CDK5RAP2: variants seen among roughly 807,000 people sequenced by gnomAD.
CDK5RAP2 encodes CDK5 regulatory subunit-associated protein 2.
CDK5RAP2 carries 147 observed loss-of-function variants against 232.9 expected under a neutral mutation model. That is an observed-to-expected ratio of 0.63 (90% CI 0.55 to 0.72). The LOEUF (loss-of-function observed/expected upper bound fraction) is 0.72. Among genes scored for constraint, CDK5RAP2 ranks in the 30% least tolerant of loss-of-function variants. CDK5RAP2 has a pLI of 0.00. For synonymous variants in CDK5RAP2, 833 were observed against 833.7 expected, an observed-to-expected ratio of 1.00 and a Z score of 0.01; for missense variants, 2,195 against 2,231.5, an observed-to-expected ratio of 0.98 and a Z score of 0.33.
intron 36 of CDK5RAP2, 113 bp downstream of exon 36, chr9:120,394,399 G>C: frequency 6.6e-7 from 1 of 1,515,528 alleles, no homozygotes; most frequent in Non-Finnish European, 9.1e-7. Flanking sequence ...CCCACAGATA[G>C]GAGGCATGAT....
chr9:120,494,453 T>A (rs188359697), intron 12 of CDK5RAP2, among the ~76,000 whole-genome samples: 203 of 152,232 alleles, frequency 1.3e-3, no homozygotes, highest in African/African-American at 4.6e-3. Context: ...GCTCAAAAAA[T>A]GAGGAGTCAT....
chr9:120,402,470 G>A (rs146194942), intron 34 of CDK5RAP2, among the ~76,000 whole-genome samples: 11 of 152,300 alleles, frequency 7.2e-5, no homozygotes, highest in Non-Finnish European at 1.0e-4. Context: ...CATAATGGGC[G>A]ACAGCCAGGT....
intron 14 of CDK5RAP2, among the ~76,000 whole-genome samples, chr9:120,482,999 A>C (rs1211497271): frequency 6.6e-6 from 1 of 152,176 alleles, no homozygotes; most frequent in African/African-American, 2.4e-5. Context: ...TCTCCTCGGC[A>C]CACAGGCAGG....
intron 18 of CDK5RAP2, among the ~76,000 whole-genome samples, chr9:120,466,569 G>T (rs1332802932): frequency 6.6e-6 from 1 of 152,020 alleles, no homozygotes; most frequent in East Asian, 1.9e-4. Context: ...AAGGGCAAAT[G>T]AACAAACAAA....
intron 12 of CDK5RAP2, among the ~76,000 whole-genome samples, chr9:120,497,632 G>A (rs1461831266): frequency 2.6e-5 from 4 of 152,058 alleles, no homozygotes; most frequent in African/African-American, 9.7e-5. Context: ...CATCAATAAT[G>A]ACAGACTGAC....
At chr9:120,503,950 C>A (rs2039692992) in intron 12 of CDK5RAP2, among the ~76,000 whole-genome samples, 1 of 152,136 alleles carries the variant, frequency 6.6e-6, no homozygotes, top group African/African-American at 2.4e-5. Context: ...GGCACGCCCT[C>A]AACACAGAGC....
intron 7 of CDK5RAP2, among the ~76,000 whole-genome samples, chr9:120,533,487 C>G (rs569971829): frequency 6.6e-6 from 1 of 152,166 alleles, no homozygotes; most frequent in South Asian, 2.1e-4. Context: ...TGCACCACCC[C>G]ACAGCTGCTC....
At chr9:120,391,496 G>C (rs1489209988) in intron 36 of CDK5RAP2, among the ~76,000 whole-genome samples, 1 of 152,224 alleles carries the variant, frequency 6.6e-6, no homozygotes, top group Non-Finnish European at 1.5e-5. Context: ...CCTGAGCTGA[G>C]CAGTGTTGAC....
chr9:120,560,056 T>C (rs1259660091), intron 3 of CDK5RAP2, among the ~76,000 whole-genome samples: 2 of 152,190 alleles, frequency 1.3e-5, no homozygotes, highest in East Asian at 3.9e-4. Context: ...CACAAGAACC[T>C]GGGCCTCCAA....
At position 120,556,532 on chromosome 9, in the gene CDK5RAP2, G is replaced by A. The variant is rs146008054; in HGVS notation, c.196-5630C>T. Among the ~76,000 whole-genome samples, 549 of 151,858 alleles carry A rather than the reference G, an allele frequency of 3.6e-3. 6 individuals carry two copies. Among genetic ancestry groups the A allele is most frequent in the African/African-American group, 0.012 (510 of 41,412 alleles). On this transcript the variant is annotated intron_variant, in intron 3 of 37. Transcript: ENST00000349780. ...CAACCTCCGCCTCCCGGGTTCAAGC[G>A]ATTCTCCTGCCTCAGTCTCCCAAGT...
At chr9:120,477,792 T>C (rs998096617) in intron 14 of CDK5RAP2, among the ~76,000 whole-genome samples, 4 of 152,176 alleles carry the variant, frequency 2.6e-5, no homozygotes, top group Non-Finnish European at 5.9e-5. Flanking sequence ...ACAAAAAAAA[T>C]ATCTTTCCAT....
chr9:120,411,606 G>A (rs57324140), intron 28 of CDK5RAP2, 132 bp from the exon 29 acceptor site: 3 of 656,794 alleles, frequency 4.6e-6, no homozygotes, highest in Non-Finnish European at 8.2e-6. Context: ...AACTATGTTA[G>A]GAATTACCAG....
At position 120,400,774 on chromosome 9, in the gene CDK5RAP2, C is replaced by T. The variant is rs2032935655; in HGVS notation, c.5419G>A (p.Glu1807Lys). The change falls in exon 35 of 38, where the codon GAG (glutamate) becomes AAG (lysine). Residue 1807 changes from glutamate (E) to lysine (K), a missense_variant. Glu to Lys is a moderately conservative substitution (Grantham distance 56). Transcript: ENST00000349780. ...LKLLWRVSLP[E>K]DGQCPLHCEQ... is the part of the protein sequence containing the mutation. The stretch of plus-strand genomic sequence containing the variant: ...CAGTGAAGGGGGCACTGGCCATCCT[C>T]GGGGAGTGAGACTCTCCAGAGAAGC... 4 of 1,613,988 alleles carry T rather than the reference C, an allele frequency of 2.5e-6. No homozygotes were observed. Among genetic ancestry groups the T allele is most frequent in the South Asian group, 1.1e-5 (1 of 91,068 alleles).
In CDK5RAP2 at chr9:120,403,977, TAA is replaced by T; in HGVS notation, c.5041+57_5041+58del. On this transcript the variant is annotated intron_variant, in intron 33 of 37. Coordinates refer to ENST00000349780, the MANE Select transcript of CDK5RAP2 (RefSeq NM_018249.6). The surrounding 1 kb of genome is among the most constrained non-coding windows in gnomAD (Gnocchi z 4.2). ...CCAGGGACCCCCCTTTTCTGCAAGT[TAA>T]AAAGTCTTACTGTCACATCCAATGC... 8.3e-7 allele frequency: 1 copy of T among 1,208,548 alleles called. No individual in the cohort carries two copies. 74.9% of individuals were successfully genotyped at this position (1,208,548 alleles called of 1,614,324 possible). A position where few individuals can be genotyped will look rare whatever the true frequency, so the allele number is the denominator to read the frequency against.
In CDK5RAP2 at chr9:120,403,661, A is replaced by G. The variant is rs1400704159; in HGVS notation, c.5041+375T>C. The G allele has an allele frequency of 1.2e-5, 4 of 342,848 alleles. No homozygotes were observed. Among genetic ancestry groups the G allele is most frequent in the Non-Finnish European group, 2.2e-5 (4 of 180,058 alleles). 21.2% of individuals were successfully genotyped at this position (342,848 alleles called of 1,614,324 possible). A position where few individuals can be genotyped will look rare whatever the true frequency, so the allele number is the denominator to read the frequency against. ...AAAGAGTGGGACAAAGGGGGTCTAA[A>G]AGTCACAGTGAGAGGAAAGTGTGGG... On this transcript the variant is annotated intron_variant, in intron 33 of 37. Transcript: ENST00000349780. This position sits in a 1 kb window ranked among gnomAD's most constrained non-coding sequence, Gnocchi z 4.2.
chr9:120,564,404 C>T lies in CDK5RAP2; in HGVS notation c.195+3917G>A, dbSNP rs551467853. On this transcript the variant is annotated intron_variant, in intron 3 of 37. Transcript: ENST00000349780. Reference sequence around the variant, plus strand: ...ACTAGGGAGGCTGAAGCAGGAGAATCGCTTGAACCCGGGAGGCTGCGGCTG... The same window carrying T: ...ACTAGGGAGGCTGAAGCAGGAGAATTGCTTGAACCCGGGAGGCTGCGGCTG... 1.7e-4 allele frequency among the ~76,000 whole-genome samples: 25 copies of T among 151,266 alleles called. No homozygotes were observed. The East Asian group carries it at 4.3e-3, about 26-fold the overall frequency.
chr9:120,393,092 C>A lies in CDK5RAP2; in HGVS notation c.5578+1420G>T, dbSNP rs552013294. ...TCTCTCACCCCTGGGAGCACACCAGCAAGTCCACAGGGCCATCTGCCAGAA... is the reference window on the plus strand; with the variant it reads ...TCTCTCACCCCTGGGAGCACACCAGAAAGTCCACAGGGCCATCTGCCAGAA... On this transcript the variant is annotated intron_variant, in intron 36 of 37. Coordinates refer to ENST00000349780, the MANE Select transcript of CDK5RAP2 (RefSeq NM_018249.6). 2.0e-5 allele frequency among the ~76,000 whole-genome samples: 3 copies of A among 152,328 alleles called. No homozygotes were observed. The South Asian group carries it at 6.2e-4, about 32-fold the overall frequency.
chr9:120,562,913 C>T (rs925408973), intron 3 of CDK5RAP2, among the ~76,000 whole-genome samples: 2 of 152,126 alleles, frequency 1.3e-5, no homozygotes, highest in African/African-American at 4.8e-5. Flanking sequence ...GTATTCCATA[C>T]AAGGTTACAC....
intron 25 of CDK5RAP2, among the ~76,000 whole-genome samples, chr9:120,426,730 G>C (rs1204728192): frequency 6.6e-6 from 1 of 152,150 alleles, no homozygotes; most frequent in East Asian, 1.9e-4. Context: ...GCATTTCAGG[G>C]CCATTTCAAA....
Sources: gnomAD v4.1 joint callset for allele counts (sites outside exome capture counted in the v4.1 genomes callset) on GRCh38, gnomAD v4.1.1 for gene constraint, Gnocchi (gnomAD v3.1) non-coding constraint, MANE v1.5 for transcripts, NCBI Gene and HGNC (gene_info 2026-07-23, HGNC 2026-07-21) for gene names.